DLGAP1: variants seen among roughly 807,000 people sequenced by gnomAD.
The protein encoded by DLGAP1 is disks large-associated protein 1.
Under a neutral mutation model 90.8 loss-of-function variants are expected in DLGAP1, and 11 were observed. That is an observed-to-expected ratio of 0.12 (90% CI 0.08 to 0.20). The LOEUF is 0.20. DLGAP1 is among the 10% of genes least tolerant of loss of function. DLGAP1 has a pLI of 1.00. For synonymous variants in DLGAP1, 558 were observed against 540.7 expected (o/e 1.03, Z -0.44); for missense variants, 1,050 against 1,333.8 (o/e 0.79, Z 3.31).
intron 4 of DLGAP1, among the ~76,000 whole-genome samples, chr18:3,856,951 C>T (rs2069685259): frequency 1.3e-5 from 2 of 151,972 alleles, no homozygotes; most frequent in Non-Finnish European, 2.9e-5. Context: ...AAAGTGCTTG[C>T]TCTATGTATT....
At position 3,879,750 on chromosome 18, in the gene DLGAP1, A is replaced by C; in HGVS notation, c.319T>G (p.Phe107Val). The change falls in exon 4 of 13, where the codon TTC becomes GTC. Residue 107 changes from phenylalanine to valine, a missense_variant. By Grantham distance (50) the Phe-to-Val change is conservative (BLOSUM62 -1). Coordinates refer to ENST00000315677, the MANE Select transcript of DLGAP1 (RefSeq NM_004746.4). This position sits in a 1 kb window ranked among gnomAD's most constrained non-coding sequence, Gnocchi z 6.6. ...CGGCTGAGTGGCAGCTGCCGCTCGA[A>C]CTGGTCCAGCAGGTTGGCGGGGATG... is the stretch of plus-strand genomic sequence containing the variant. ...NRIPANLLDQ[F>V]ERQLPLSRDG... The C allele has an allele frequency of 6.2e-7, 1 of 1,608,388 alleles. No individual in the cohort carries two copies. Among genetic ancestry groups the C allele is most frequent in the Non-Finnish European group, 8.5e-7 (1 of 1,179,864 alleles).
intron 1 of DLGAP1, among the ~76,000 whole-genome samples, chr18:4,204,755 T>C (rs536174930): frequency 6.5e-4 from 99 of 152,320 alleles, no homozygotes; most frequent in African/African-American, 2.2e-3. Flanking sequence ...CAGTTTAGAA[T>C]TGTAAAGGGA....
At chr18:4,400,085 C>G (rs951782834) in intron 1 of DLGAP1, among the ~76,000 whole-genome samples, 2 of 152,134 alleles carry the variant, frequency 1.3e-5, no homozygotes, top group African/African-American at 2.4e-5. Context: ...TCCCCCACCC[C>G]CCGCCAGGCA....
chr18:4,369,290 A>AGTGT (rs141011243), intron 1 of DLGAP1, among the ~76,000 whole-genome samples: 5,875 of 152,040 alleles, frequency 0.039, 203 homozygotes, highest in African/African-American at 0.088. Context: ...CATGCATATG[A>AGTGT]GTGTGCGTGT....
chr18:3,827,578 C>G (rs2148527567), intron 4 of DLGAP1, among the ~76,000 whole-genome samples: 1 of 152,264 alleles, frequency 6.6e-6, no homozygotes, highest in East Asian at 1.9e-4. Flanking sequence ...GAGAGCAAGG[C>G]TTTTGTTTTC....
chr18:4,026,995 A>G (rs1453602726), intron 2 of DLGAP1, among the ~76,000 whole-genome samples: 1 of 152,074 alleles, frequency 6.6e-6, no homozygotes, highest in Non-Finnish European at 1.5e-5. Context: ...TGGGGAGAAG[A>G]GACAGGCTCC....
intron 1 of DLGAP1, among the ~76,000 whole-genome samples, chr18:4,173,985 C>A (rs1332999315): frequency 6.6e-6 from 1 of 152,176 alleles, no homozygotes; most frequent in South Asian, 2.1e-4. Flanking sequence ...ACCTTCTGCA[C>A]CCCTACCTGG....
At chr18:4,008,661 G>A (rs1276795083) in intron 2 of DLGAP1, among the ~76,000 whole-genome samples, 1 of 152,148 alleles carries the variant, frequency 6.6e-6, no homozygotes, top group Non-Finnish European at 1.5e-5. Flanking sequence ...TACAATGAAA[G>A]GCAGAAAAAC....
intron 1 of DLGAP1, among the ~76,000 whole-genome samples, chr18:4,412,616 T>C (rs754924836): frequency 1.9e-4 from 29 of 152,102 alleles, no homozygotes; most frequent in Admixed American, 1.2e-3. Context: ...GAACAGCTTA[T>C]TGACATGAGA....
chr18:3,810,282 A>C (rs2066767248), intron 5 of DLGAP1, among the ~76,000 whole-genome samples: 1 of 152,216 alleles, frequency 6.6e-6, no homozygotes, highest in South Asian at 2.1e-4. Flanking sequence ...TGAGGACCCA[A>C]TAACTAACAC....
chr18:3,815,392 T>C (rs2067052166), intron 4 of DLGAP1, among the ~76,000 whole-genome samples: 1 of 67,836 alleles, frequency 1.5e-5, no homozygotes, highest in South Asian at 3.8e-4. Flanking sequence ...GCTTTTATTT[T>C]TTCTTGGCCT....
At chr18:3,529,860 G>A (rs995332204) in intron 10 of DLGAP1, among the ~76,000 whole-genome samples, 2 of 152,112 alleles carry the variant, frequency 1.3e-5, no homozygotes, top group Non-Finnish European at 2.9e-5. Context: ...ATACAAATAC[G>A]TTTCTCTTTC....
At chr18:4,022,737 C>T (rs2074635443) in intron 2 of DLGAP1, among the ~76,000 whole-genome samples, 1 of 151,822 alleles carries the variant, frequency 6.6e-6, no homozygotes. Context: ...GGTGTATCCA[C>T]ACTAAATGTC....
chr18:4,299,576 T>C (rs2080074160), intron 1 of DLGAP1, among the ~76,000 whole-genome samples: 1 of 152,204 alleles, frequency 6.6e-6, no homozygotes, highest in African/African-American at 2.4e-5. Flanking sequence ...ATGTCTTGCT[T>C]TTTCAAATTG....
intron 1 of DLGAP1, among the ~76,000 whole-genome samples, chr18:4,350,194 T>C (rs2081378332): frequency 6.6e-6 from 1 of 152,152 alleles, no homozygotes; most frequent in South Asian, 2.1e-4. Context: ...GTTTTTGCTA[T>C]AAATGCTAAT....
intron 4 of DLGAP1, among the ~76,000 whole-genome samples, chr18:3,861,972 G>C (rs2070094416): frequency 1.3e-5 from 2 of 152,322 alleles, no homozygotes; most frequent in Non-Finnish European, 2.9e-5. Flanking sequence ...TTGGAAGTCT[G>C]GTGAGTAAAC....
chr18:4,382,028 T>C (rs1269675324), intron 1 of DLGAP1, among the ~76,000 whole-genome samples: 2 of 152,240 alleles, frequency 1.3e-5, no homozygotes, highest in South Asian at 2.1e-4. Context: ...ACCAAAAGAA[T>C]AGCACGGGAA....
intron 5 of DLGAP1, among the ~76,000 whole-genome samples, chr18:3,811,271 C>G (rs1200730654): frequency 6.6e-6 from 1 of 152,116 alleles, no homozygotes; most frequent in Non-Finnish European, 1.5e-5. Context: ...GATGGTAGCA[C>G]AGGGAAGGAA....
intron 7 of DLGAP1, among the ~76,000 whole-genome samples, chr18:3,687,907 G>GTTTT (rs34437512): frequency 6.8e-5 from 9 of 133,234 alleles, no homozygotes; most frequent in South Asian, 4.8e-4. Flanking sequence ...CTCAGAGACT[G>GTTTT]TTTTTTTTTT....
Sources: allele counts gnomAD v4.1 joint callset (sites outside exome capture counted in the v4.1 genomes callset), GRCh38; gene constraint gnomAD v4.1.1; non-coding constraint Gnocchi (gnomAD v3.1); transcripts MANE v1.5; gene names NCBI Gene and HGNC (gene_info 2026-07-23, HGNC 2026-07-21).